Variants in WIZ observed in about 807,000 individuals in gnomAD.
WIZ encodes protein Wiz.
WIZ carries 25 observed loss-of-function variants against 140.2 expected under a neutral mutation model. That is an observed-to-expected ratio of 0.18 (90% CI 0.13 to 0.25). The LOEUF (loss-of-function observed/expected upper bound fraction) is 0.25. Among genes scored for constraint, WIZ ranks in the 10% least tolerant of loss-of-function variants. The pLI, the probability that WIZ is intolerant of heterozygous loss-of-function variation, is 1.00. For synonymous variants in WIZ, 1,125 were observed against 1,154.3 expected (o/e 0.97, Z 0.51); for missense variants, 2,231 against 2,632.6 (o/e 0.85, Z 3.34).
chr19:15,427,982 G>T lies in WIZ; in HGVS notation c.3814+128C>A. ...AGCCCACTGCCAACAAGATCTCTGG[G>T]CAGAACCGGCCCACTGCCAAGGGCC... On this transcript the variant is annotated intron_variant, in intron 8 of 12. Transcript: ENST00000673675. This position sits in a 1 kb window ranked among gnomAD's most constrained non-coding sequence, Gnocchi z 6.4. The T allele has an allele frequency of 7.5e-7, 1 of 1,338,576 alleles. No homozygotes were observed. Among genetic ancestry groups the T allele is most frequent in the Non-Finnish European group, 9.9e-7 (1 of 1,009,040 alleles). The allele number at this position is 1,338,576 out of a possible 1,614,324, so 82.9% of individuals were successfully genotyped here.
intron 5 of WIZ, among the ~76,000 whole-genome samples, chr19:15,433,921 G>A (rs1969412538): frequency 6.6e-6 from 1 of 152,208 alleles, no homozygotes; most frequent in Non-Finnish European, 1.5e-5. Context: ...TGAGCCCAGA[G>A]TACAGATCTA....
In WIZ at chr19:15,428,008, C is replaced by T; in HGVS notation, c.3814+102G>A. 6.9e-7 allele frequency: 1 copy of T among 1,455,030 alleles called. No homozygotes were observed. The highest frequency in any genetic ancestry group is 9.0e-7 in the Non-Finnish European group (1 of 1,105,264). The allele number at this position is 1,455,030 out of a possible 1,614,324, so 90.1% of individuals were successfully genotyped here. A position where few individuals can be genotyped will look rare whatever the true frequency, so the allele number is the denominator to read the frequency against. On this transcript the variant is annotated intron_variant, in intron 8 of 12. Coordinates refer to ENST00000673675, the MANE Select transcript of WIZ (RefSeq NM_001371589.1). This position sits in a 1 kb window ranked among gnomAD's most constrained non-coding sequence, Gnocchi z 6.4. The stretch of plus-strand genomic sequence containing the variant: ...CAGAACCGGCCCACTGCCAAGGGCC[C>T]CTGTCTACTCCCTGCCCCAGCAGGG...
rs1033120388 is a variant in WIZ, at chr19:15,431,099, C to G, written c.2824G>C (p.Ala942Pro). 2 of 1,535,810 alleles carry G rather than the reference C, an allele frequency of 1.3e-6. No homozygotes were observed. Among genetic ancestry groups the G allele is most frequent in the African/African-American group, 1.4e-5 (1 of 73,030 alleles). Residue 942 changes from alanine to proline, a missense_variant, in exon 6 of 13, where the codon GCC (alanine) becomes CCC (proline). Physicochemically the swap from Ala to Pro is conservative, Grantham distance 27 (BLOSUM62 -1). This residue lies in a region of WIZ where 137 missense variants were observed against 135.8 expected (regional missense o/e 1.01). Transcript: ENST00000673675. ...LPKKSLPVPGALEQVASRLSS... is the reference protein window; with the variant it reads ...LPKKSLPVPGPLEQVASRLSS... ...AGCCGACTGGCCACCTGCTCCAGGG[C>G]CCCAGGGACAGGCAGGCTCTTCTTA... is the stretch of plus-strand genomic sequence containing the variant.
chr19:15,432,922 C>T (rs1969364514), intron 5 of WIZ, among the ~76,000 whole-genome samples: 1 of 151,978 alleles, frequency 6.6e-6, no homozygotes. Flanking sequence ...GGAAGCTTGT[C>T]GCGCGCCCTG....
intron 9 of WIZ, 117 bp downstream of exon 9, chr19:15,426,865 T>C: frequency 2.4e-6 from 3 of 1,259,258 alleles, no homozygotes; most frequent in Non-Finnish European, 3.3e-6. Flanking sequence ...CTGTGTCCTC[T>C]CTACCTGCGT....
Position 15,438,906 on chromosome 19 carries a change from C to T in WIZ, c.2088G>A (p.Ala696=), listed in dbSNP as rs61732035. 1,738 of 1,446,792 alleles carry T rather than the reference C, an allele frequency of 1.2e-3. 21 individuals are homozygous for T. In the African/African-American group the frequency reaches 0.021, roughly 17 times the overall value. The allele number at this position is 1,446,792 out of a possible 1,614,324, so 89.6% of individuals were successfully genotyped here. ...GCAACCTTGGGGGCACCCTGGCTGC[C>T]GCCATGACCTGCGGCCCCAGCTTCG... is the stretch of plus-strand genomic sequence containing the variant. The part of the protein sequence containing the change: ...LVAKLGPQVM[A]AARVPPRLQP... The change falls in exon 4 of 13, where the codon GCG becomes GCA. Residue 696 remains alanine (A), a synonymous_variant. Transcript: ENST00000673675.
chr19:15,424,696 G>T lies in WIZ; in HGVS notation c.5231C>A (p.Ala1744Glu). 6.3e-7 allele frequency: 1 copy of T among 1,584,110 alleles called. No individual in the cohort carries two copies. The highest frequency in any genetic ancestry group is 8.5e-7 in the Non-Finnish European group (1 of 1,172,944). Residue 1744 changes from alanine to glutamate, a missense_variant, in exon 11 of 13, where the codon GCA becomes GAA. Ala to Glu is a moderately radical substitution (Grantham distance 107, BLOSUM62 -1). This residue lies in a region of WIZ where 299 missense variants were observed against 309.6 expected (regional missense o/e 0.97). Coordinates refer to ENST00000673675, the MANE Select transcript of WIZ (RefSeq NM_001371589.1). This position sits in a 1 kb window ranked among gnomAD's most constrained non-coding sequence, Gnocchi z 9.7. Reference sequence around the variant, plus strand: ...CAGAGGCCGCTCACCACCGTCGGCTGCCCGGCCAGCCTCGGGCCCTGGCTC... The same window carrying T: ...CAGAGGCCGCTCACCACCGTCGGCTTCCCGGCCAGCCTCGGGCCCTGGCTC... ...GGEPGPEAGRAADGGERPLAA... is the reference protein window; with the variant it reads ...GGEPGPEAGREADGGERPLAA...
At position 15,438,588 on chromosome 19, in the gene WIZ, C is replaced by T. The variant is rs1200660515; in HGVS notation, c.2406G>A (p.Lys802=). Reference sequence around the variant, plus strand: ...GTGAAGCTGCCCTACCTTTTTTCTTCTTCTTCTGGAAGGAGAACCTGCGCT... The same window carrying T: ...GTGAAGCTGCCCTACCTTTTTTCTTTTTCTTCTGGAAGGAGAACCTGCGCT... ...AIERRFSFQK[K]KKKVANFDPG... is the part of the protein sequence containing the mutation. Residue 802 remains lysine (K), a synonymous_variant, in exon 4 of 13, where the codon AAG becomes AAA. Coordinates refer to ENST00000673675, the MANE Select transcript of WIZ (RefSeq NM_001371589.1). 19 of 1,497,412 alleles carry T rather than the reference C, an allele frequency of 1.3e-5. No homozygotes were observed. The Admixed American group carries it at 1.7e-4, about 14-fold the overall frequency. The allele number at this position is 1,497,412 out of a possible 1,614,324, so 92.8% of individuals were successfully genotyped here. A position where few individuals can be genotyped will look rare whatever the true frequency, so the allele number is the denominator to read the frequency against.
At chr19:15,426,864 C>G in intron 9 of WIZ, 118 bp downstream of exon 9, 1 of 1,253,620 alleles carries the variant, frequency 8.0e-7, no homozygotes, top group Non-Finnish European at 1.1e-6. Context: ...CCTGTGTCCT[C>G]TCTACCTGCG....
chr19:15,423,375 G>T, intron 12 of WIZ, 140 bp from the exon 13 acceptor site: 1 of 1,044,226 alleles, frequency 9.6e-7, no homozygotes, highest in Non-Finnish European at 1.4e-6. Context: ...GAGGGACCCA[G>T]AAGTCAGGCG....
At position 15,427,544 on chromosome 19, in the gene WIZ, A is replaced by T. The variant is rs2044479686; in HGVS notation, c.3815-11T>A. 6.3e-7 allele frequency: 1 copy of T among 1,598,730 alleles called. No homozygotes were observed. Among genetic ancestry groups the T allele is most frequent in the South Asian group, 1.1e-5 (1 of 89,998 alleles). ...GCTCTGGGCCTGAGGCTGCAGCAGG[A>T]GGAGAAAGGGGCAGTTAGCATCGTG... On this transcript the variant is annotated splice_polypyrimidine_tract_variant and intron_variant, in intron 8 of 12. Coordinates refer to ENST00000673675, the MANE Select transcript of WIZ (RefSeq NM_001371589.1). This position sits in a 1 kb window ranked among gnomAD's most constrained non-coding sequence, Gnocchi z 6.4.
chr19:15,428,032 G>C lies in WIZ; in HGVS notation c.3814+78C>G. ...CCCTGTCTACTCCCTGCCCCAGCAG[G>C]GAGGGGGCTGTGACCCCCCCCCCGG... On this transcript the variant is annotated intron_variant, in intron 8 of 12. Coordinates refer to ENST00000673675, the MANE Select transcript of WIZ (RefSeq NM_001371589.1). This position sits in a 1 kb window ranked among gnomAD's most constrained non-coding sequence, Gnocchi z 6.4. 4 of 1,505,140 alleles carry C rather than the reference G, an allele frequency of 2.7e-6. No individual in the cohort carries two copies. The highest frequency in any genetic ancestry group is 3.5e-6 in the Non-Finnish European group (4 of 1,133,038). 93.2% of individuals were successfully genotyped at this position (1,505,140 alleles called of 1,614,324 possible).
chr19:15,431,306 G>A (rs761093565), intron 5 of WIZ, 124 bp from the exon 6 acceptor site: 108 of 1,220,990 alleles, frequency 8.8e-5, no homozygotes, highest in Non-Finnish European at 1.2e-4. Context: ...ACTCACCCCA[G>A]GAAAGCTGAG....
Position 15,427,203 on chromosome 19 carries a change from G to A in WIZ, c.4145C>T (p.Pro1382Leu), listed in dbSNP as rs758785602. ...TGGTGAGTGGCCCAGGGGGCTGCCC[G>A]GTGGTGGTGGCAACTTCTTGGCCAA... ...SPLAKKLPPPPGSPLGHSPTA... is the reference protein window; with the variant it reads ...SPLAKKLPPPLGSPLGHSPTA... The change falls in exon 9 of 13, where the codon CCG becomes CTG. Residue 1382 changes from proline to leucine, a missense_variant. Physicochemically the swap from Pro to Leu is moderately conservative, Grantham distance 98. Coordinates refer to ENST00000673675, the MANE Select transcript of WIZ (RefSeq NM_001371589.1). This position sits in a 1 kb window ranked among gnomAD's most constrained non-coding sequence, Gnocchi z 6.4. The A allele has an allele frequency of 6.1e-5, 98 of 1,614,180 alleles. 1 individual carries two copies. The highest frequency in any genetic ancestry group is 4.0e-4 in the South Asian group (36 of 91,082).
At chr19:15,449,299 C>T (rs2145426847) in intron 1 of WIZ, among the ~76,000 whole-genome samples, 1 of 151,956 alleles carries the variant, frequency 6.6e-6, no homozygotes, top group Admixed American at 6.5e-5. Flanking sequence ...CCCTCGGGGG[C>T]CTGGGGATTC....
In WIZ at chr19:15,427,133, C is replaced by T. The variant is rs1193203499; in HGVS notation, c.4215G>A (p.Leu1405=). ...PPTARKMFPG[L]AAPSLPKKLK... ...GCTTCTTGGGCAAGGAGGGTGCAGCCAGGCCTGGGAACATCTTTCGGGCCG... is the reference window on the plus strand; with the variant it reads ...GCTTCTTGGGCAAGGAGGGTGCAGCTAGGCCTGGGAACATCTTTCGGGCCG... The change falls in exon 9 of 13, where the codon CTG becomes CTA. Residue 1405 remains leucine, a synonymous_variant. Coordinates refer to ENST00000673675, the MANE Select transcript of WIZ (RefSeq NM_001371589.1). This position sits in a 1 kb window ranked among gnomAD's most constrained non-coding sequence, Gnocchi z 6.4. The T allele has an allele frequency of 2.5e-6, 4 of 1,614,196 alleles. No homozygotes were observed. In the Admixed American group the frequency reaches 5.0e-5, roughly 20 times the overall value.
intron 7 of WIZ, among the ~76,000 whole-genome samples, chr19:15,429,111 C>T (rs1008801229): frequency 2.6e-5 from 4 of 152,202 alleles, no homozygotes; most frequent in Non-Finnish European, 5.9e-5. Flanking sequence ...GCTTCACCGG[C>T]AGGCGCAGAG....
intron 10 of WIZ, 68 bp downstream of exon 10, chr19:15,425,173 T>A: frequency 6.5e-7 from 1 of 1,544,988 alleles, no homozygotes; most frequent in Non-Finnish European, 8.7e-7. Context: ...GTGTGCACGC[T>A]TGTGGCATTG....
In WIZ at chr19:15,448,327, T is replaced by A; in HGVS notation, c.-20A>T. ...CTCCATCGGATTTTCTCTGCTTGGA[T>A]CCACTCAGCTGCTGCACCGGCTCAG... On this transcript the variant is annotated 5_prime_UTR_variant, in exon 2 of 13. Coordinates refer to ENST00000673675, the MANE Select transcript of WIZ (RefSeq NM_001371589.1). 14 of 1,609,446 alleles carry A rather than the reference T, an allele frequency of 8.7e-6. No individual in the cohort carries two copies. The highest frequency in any genetic ancestry group is 1.2e-5 in the Non-Finnish European group (14 of 1,179,728).
Sources: gnomAD v4.1 joint callset for allele counts (sites outside exome capture counted in the v4.1 genomes callset) on GRCh38, gnomAD v4.1.1 for gene constraint, gnomAD v4.1.1 regional missense constraint, Gnocchi (gnomAD v3.1) non-coding constraint, MANE v1.5 for transcripts, NCBI Gene and HGNC (gene_info 2026-07-23, HGNC 2026-07-21) for gene names.